Variants in CLNK observed in about 807,000 individuals in gnomAD.
CLNK encodes cytokine-dependent hematopoietic cell linker.
Under a neutral mutation model 68.6 loss-of-function variants are expected in CLNK, and 74 were observed. The observed-to-expected ratio is 1.08, with a 90% confidence interval of 0.89 to 1.31. CLNK has a LOEUF of 1.31. CLNK is among the 50% of genes most tolerant of loss of function. CLNK has a pLI of 0.00. For synonymous variants in CLNK, 198 were observed against 172.2 expected (o/e 1.15, Z -1.17); for missense variants, 553 against 515.3 (o/e 1.07, Z -0.71).
At chr4:10,726,279 C>A in the CLNK span, among the ~76,000 whole-genome samples, 1 of 152,148 alleles carries the variant, frequency 6.6e-6, no homozygotes, top group East Asian at 1.9e-4. Context: ...TGCCACCACA[C>A]CCAGCTAATT....
chr4:10,584,075 G>C (rs182198932), intron 4 of CLNK, among the ~76,000 whole-genome samples: 2 of 152,182 alleles, frequency 1.3e-5, no homozygotes, highest in Non-Finnish European at 2.9e-5. Context: ...ATCTTGTTTA[G>C]GCCTGACTGG....
At chr4:10,654,647 A>G (rs1314364269) in intron 2 of CLNK, among the ~76,000 whole-genome samples, 1 of 151,754 alleles carries the variant, frequency 6.6e-6, no homozygotes, top group African/African-American at 2.4e-5. Flanking sequence ...AATTATCTAT[A>G]TAACAAACAT....
At position 10,490,311 on chromosome 4, in the gene CLNK, A is replaced by T. The variant is rs755275800; in HGVS notation, c.*156T>A. The T allele has an allele frequency of 3.3e-6, 2 of 603,314 alleles. No homozygotes were observed. Among genetic ancestry groups the T allele is most frequent in the Non-Finnish European group, 5.1e-6 (2 of 390,518 alleles). 37.4% of individuals were successfully genotyped at this position (603,314 alleles called of 1,614,324 possible). On this transcript the variant is annotated 3_prime_UTR_variant, in exon 19 of 19. Transcript: ENST00000226951. ...TTTCTCTGTGGTTTGAACTTTCAAA[A>T]CCGTGAGTGATTTTCCACTCTCTGT... is the stretch of plus-strand genomic sequence containing the variant.
intron 4 of CLNK, among the ~76,000 whole-genome samples, 165 bp from the exon 5 acceptor site, chr4:10,571,943 C>T (rs1329373013): frequency 6.6e-6 from 1 of 152,188 alleles, no homozygotes; most frequent in Admixed American, 6.5e-5. Flanking sequence ...ATTTCCCATT[C>T]TACCTGTTGC....
the CLNK span, among the ~76,000 whole-genome samples, chr4:10,720,593 T>C: frequency 6.7e-6 from 1 of 150,278 alleles, no homozygotes; most frequent in East Asian, 2.0e-4. Context: ...GTGTACCATT[T>C]ACTTTCTACT....
At chr4:10,572,959 G>T (rs772473151) in intron 4 of CLNK, among the ~76,000 whole-genome samples, 9 of 152,094 alleles carry the variant, frequency 5.9e-5, no homozygotes, top group Non-Finnish European at 1.0e-4. Flanking sequence ...CTCCCGAGTG[G>T]CTGGGATTAC....
intron 1 of CLNK, among the ~76,000 whole-genome samples, chr4:10,671,675 T>G (rs1298918392): frequency 6.6e-6 from 1 of 152,210 alleles, no homozygotes; most frequent in African/African-American, 2.4e-5. Context: ...GTGTGCATTT[T>G]CAAAGACAAG....
the CLNK span, among the ~76,000 whole-genome samples, chr4:10,710,810 C>T: frequency 6.6e-6 from 1 of 152,192 alleles, no homozygotes; most frequent in Non-Finnish European, 1.5e-5. Context: ...CATCTCCTCA[C>T]ACTCAGGTTC....
chr4:10,630,908 C>T (rs548252140), intron 2 of CLNK, among the ~76,000 whole-genome samples: 3 of 152,114 alleles, frequency 2.0e-5, no homozygotes, highest in South Asian at 2.1e-4. Context: ...TATCTCCAGG[C>T]GTATTTGCCA....
intron 2 of CLNK, among the ~76,000 whole-genome samples, chr4:10,638,737 A>G (rs1723191407): frequency 1.3e-5 from 2 of 152,214 alleles, no homozygotes; most frequent in African/African-American, 4.8e-5. Flanking sequence ...GGCTTGCCAT[A>G]GGAGAGAACC....
chr4:10,686,086 G>A (rs111567521), upstream of CLNK, among the ~76,000 whole-genome samples: 216 of 152,206 alleles, frequency 1.4e-3, no homozygotes, highest in Admixed American at 2.4e-3. Context: ...TCAAGGAGTC[G>A]GCAAGGTTGG....
intron 11 of CLNK, 120 bp from the exon 12 acceptor site, chr4:10,532,403 C>T (rs115643688): frequency 0.012 from 9,358 of 750,452 alleles, 135 homozygotes; most frequent in Middle Eastern, 0.04. Context: ...AGCCCATAGT[C>T]CAGTGAGATA....
At chr4:10,526,160 C>A (rs1718311322) in intron 13 of CLNK, among the ~76,000 whole-genome samples, 2 of 152,128 alleles carry the variant, frequency 1.3e-5, no homozygotes, top group Non-Finnish European at 2.9e-5. Flanking sequence ...TAGAACACAT[C>A]ATTGAACCTC....
At chr4:10,518,283 A>G (rs989447763) in intron 15 of CLNK, among the ~76,000 whole-genome samples, 1 of 152,222 alleles carries the variant, frequency 6.6e-6, no homozygotes, top group African/African-American at 2.4e-5. Context: ...GTCTGATCAT[A>G]TAACCACTCC....
intron 12 of CLNK, 62 bp from the exon 13 acceptor site, chr4:10,528,156 A>C: frequency 1.3e-6 from 1 of 795,408 alleles, no homozygotes; most frequent in Non-Finnish European, 1.7e-6. Flanking sequence ...TTAATATAAC[A>C]CCATGTGTGT....
intron 15 of CLNK, among the ~76,000 whole-genome samples, chr4:10,516,344 A>T (rs1717835417): frequency 6.6e-6 from 1 of 152,244 alleles, no homozygotes; most frequent in Non-Finnish European, 1.5e-5. Flanking sequence ...GTAACTTAAC[A>T]AGAACTTTGA....
At chr4:10,548,659 C>T (rs1342748616) in intron 8 of CLNK, among the ~76,000 whole-genome samples, 1 of 152,150 alleles carries the variant, frequency 6.6e-6, no homozygotes, top group Admixed American at 6.5e-5. Flanking sequence ...TTGATTTAAT[C>T]CACCCCAAAT....
At chr4:10,727,100 G>A in the CLNK span, among the ~76,000 whole-genome samples, 1 of 152,176 alleles carries the variant, frequency 6.6e-6, no homozygotes, top group Non-Finnish European at 1.5e-5. Flanking sequence ...AGGCACAGGG[G>A]ACATGTGGCA....
intron 8 of CLNK, among the ~76,000 whole-genome samples, chr4:10,542,539 C>T (rs1363116429): frequency 1.3e-5 from 2 of 151,904 alleles, no homozygotes; most frequent in African/African-American, 2.4e-5. Context: ...ACTCACCCAG[C>T]GAGTAAATGG....
Sources: allele counts gnomAD v4.1 joint callset (sites outside exome capture counted in the v4.1 genomes callset), GRCh38; gene constraint gnomAD v4.1.1; transcripts MANE v1.5; gene names NCBI Gene and HGNC (gene_info 2026-07-23, HGNC 2026-07-21).